ADAM32: variants seen among roughly 807,000 people sequenced by gnomAD.
ADAM32 encodes ADAM metallopeptidase domain 32.
Under a neutral mutation model 114.9 loss-of-function variants are expected in ADAM32, and 89 were observed. The observed-to-expected ratio is 0.77, with a 90% CI of 0.65 to 0.92. ADAM32 has a LOEUF of 0.92. Ranked by LOEUF, ADAM32 falls within the 40% of genes least tolerant of loss-of-function variation. ADAM32 has a pLI of 0.00. For synonymous variants in ADAM32, 285 were observed against 307.5 expected (o/e 0.93, Z 0.77); for missense variants, 870 against 932.8 (o/e 0.93, Z 0.88).
intron 23 of ADAM32, among the ~76,000 whole-genome samples, chr8:39,281,512 G>A (rs1813415668): frequency 6.6e-6 from 1 of 152,050 alleles, no homozygotes; most frequent in Non-Finnish European, 1.5e-5. Context: ...ATACACAAAG[G>A]GGAAATAGTA....
chr8:39,243,475 A>C (rs1303792517), intron 16 of ADAM32, among the ~76,000 whole-genome samples: 3 of 152,194 alleles, frequency 2.0e-5, no homozygotes, highest in Non-Finnish European at 2.9e-5. Context: ...CAAGTTTAGC[A>C]TATACAACTA....
At chr8:39,138,285 T>C (rs1423966207) in intron 3 of ADAM32, among the ~76,000 whole-genome samples, 1 of 152,106 alleles carries the variant, frequency 6.6e-6, no homozygotes, top group Non-Finnish European at 1.5e-5. Flanking sequence ...CAACTTGTCA[T>C]TTACATTAGG....
intron 2 of ADAM32, among the ~76,000 whole-genome samples, chr8:39,129,191 C>T (rs528787745): frequency 1.3e-5 from 2 of 149,818 alleles, no homozygotes; most frequent in African/African-American, 4.9e-5. Context: ...GCAAATACAG[C>T]ATTATCCTGT....
chr8:39,284,784 C>G lies in ADAM32; in HGVS notation c.2358-9C>G. 1.2e-6 allele frequency: 2 copies of G among 1,613,668 alleles called. No individual in the cohort carries two copies. Among genetic ancestry groups the G allele is most frequent in the Non-Finnish European group, 1.7e-6 (2 of 1,179,734 alleles). ...CTTTGAGCACGTGTTTTTTTGTTCT[C>G]TTCCACAGTAACTAGTGATTCCTTC... On this transcript the variant is annotated splice_polypyrimidine_tract_variant and intron_variant, in intron 24 of 24. Transcript: ENST00000379907.
chr8:39,199,005 G>T (rs1430067625), intron 11 of ADAM32, among the ~76,000 whole-genome samples: 1 of 152,090 alleles, frequency 6.6e-6, no homozygotes, highest in Admixed American at 6.6e-5. Flanking sequence ...GCTGATAGTT[G>T]TTTTCTTGCA....
intron 2 of ADAM32, among the ~76,000 whole-genome samples, chr8:39,131,702 T>C (rs1004537702): frequency 2.0e-5 from 3 of 152,234 alleles, no homozygotes; most frequent in African/African-American, 7.2e-5. Flanking sequence ...AGTGATGATT[T>C]TACTGTTGTG....
At chr8:39,256,236 T>C (rs1811640488) in intron 18 of ADAM32, among the ~76,000 whole-genome samples, 1 of 152,046 alleles carries the variant, frequency 6.6e-6, no homozygotes. Context: ...AAAATTTCTC[T>C]TTACTGATAT....
intron 6 of ADAM32, chr8:39,158,454 TG>T: frequency 4.5e-6 from 1 of 223,432 alleles, no homozygotes; most frequent in Non-Finnish European, 8.8e-6. Context: ...ACTACCACCA[TG>T]GGCAGTGTCT....
In ADAM32 at chr8:39,221,709, T is replaced by C; in HGVS notation, c.1326+7T>C. 2 of 1,598,516 alleles carry C rather than the reference T, an allele frequency of 1.3e-6. No homozygotes were observed. The highest frequency in any genetic ancestry group is 1.7e-4 in the Middle Eastern group (1 of 6,016). On this transcript the variant is annotated splice_region_variant and intron_variant, in intron 13 of 24. Transcript: ENST00000379907. ...GTGCTGCAAAGACTGTCAAGTAAGATTTAAGCTTATGAACATCTTTCAAAT... is the reference window on the plus strand; with the variant it reads ...GTGCTGCAAAGACTGTCAAGTAAGACTTAAGCTTATGAACATCTTTCAAAT...
intron 11 of ADAM32, among the ~76,000 whole-genome samples, chr8:39,193,954 G>T (rs1806776050): frequency 6.6e-6 from 1 of 152,190 alleles, no homozygotes; most frequent in Non-Finnish European, 1.5e-5. Flanking sequence ...GGCAGTGGCA[G>T]CAGGATCCAT....
At chr8:39,140,795 G>A (rs762284873) in intron 3 of ADAM32, among the ~76,000 whole-genome samples, 1 of 152,088 alleles carries the variant, frequency 6.6e-6, no homozygotes, top group Non-Finnish European at 1.5e-5. Flanking sequence ...GACTTTTTTT[G>A]TGGGTAGGCT....
chr8:39,247,713 T>C (rs2129450139), intron 17 of ADAM32, among the ~76,000 whole-genome samples: 1 of 152,138 alleles, frequency 6.6e-6, no homozygotes, highest in Admixed American at 6.5e-5. Context: ...CTTAATTATT[T>C]CTTTCATAGA....
intron 19 of ADAM32, among the ~76,000 whole-genome samples, chr8:39,269,950 C>T (rs933807342): frequency 1.3e-5 from 2 of 152,170 alleles, no homozygotes; most frequent in Non-Finnish European, 2.9e-5. Flanking sequence ...GCACCTTCTT[C>T]ACAAGGCAGC....
intron 3 of ADAM32, among the ~76,000 whole-genome samples, chr8:39,138,608 A>G (rs1010451536): frequency 6.6e-6 from 1 of 152,172 alleles, no homozygotes; most frequent in Non-Finnish European, 1.5e-5. Context: ...AGTCTTTACT[A>G]TTGTGAATAG....
chr8:39,243,741 A>G (rs756248912), intron 16 of ADAM32, among the ~76,000 whole-genome samples: 75 of 152,288 alleles, frequency 4.9e-4, no homozygotes, highest in Non-Finnish European at 8.1e-4. Flanking sequence ...GCCCATTTTC[A>G]TCACTTCTAT....
At chr8:39,138,506 T>C (rs991790048) in intron 3 of ADAM32, among the ~76,000 whole-genome samples, 3 of 152,222 alleles carry the variant, frequency 2.0e-5, no homozygotes, top group African/African-American at 7.2e-5. Flanking sequence ...CATAAACTCA[T>C]CCTTTTTTAT....
rs1169960987 is a variant in ADAM32 at position 39,275,863 on chromosome 8, G to A, written c.2276G>A (p.Ser759Asn). 3.2e-6 allele frequency: 5 copies of A among 1,557,440 alleles called. No homozygotes were observed. Among genetic ancestry groups the A allele is most frequent in the Admixed American group, 1.9e-5 (1 of 52,040 alleles). ...RSESSSQADT[S>N]KSKSEDSAEA... ...GAAAGCAGCAGTCAAGCTGATACTA[G>A]CAAGTAAGTGAATTAGGGGGCATTT... Residue 759 changes from serine (S) to asparagine (N), a missense_variant, in exon 22 of 25, where the codon AGC (serine) becomes AAC (asparagine). Coordinates refer to ENST00000379907, the MANE Select transcript of ADAM32 (RefSeq NM_145004.7).
chr8:39,270,549 A>G (rs79023684), intron 19 of ADAM32, among the ~76,000 whole-genome samples: 32,864 of 152,062 alleles, frequency 0.22, 3,812 homozygotes, highest in East Asian at 0.29. Context: ...TAAAAAACCA[A>G]AAGTTGGATT....
intron 11 of ADAM32, among the ~76,000 whole-genome samples, chr8:39,209,041 T>A (rs921607088): frequency 1.3e-5 from 2 of 152,190 alleles, no homozygotes; most frequent in Admixed American, 6.5e-5. Context: ...ATCTCACTGA[T>A]CCAATAACTG....
Sources: gnomAD v4.1 joint callset for allele counts (sites outside exome capture counted in the v4.1 genomes callset) on GRCh38, gnomAD v4.1.1 for gene constraint, MANE v1.5 for transcripts, NCBI Gene and HGNC (gene_info 2026-07-23, HGNC 2026-07-21) for gene names.